Variants in AHI1 observed in about 807,000 individuals in gnomAD.
The protein encoded by AHI1 is Abelson helper integration site 1.
A neutral mutation model predicts 149.3 loss-of-function variants in AHI1; 123 were observed. The observed-to-expected ratio is 0.82, with a 90% CI of 0.71 to 0.96. The LOEUF is 0.96. Among genes scored for constraint, AHI1 ranks in the 40% least tolerant of loss-of-function variants. The probability of loss-of-function intolerance (pLI) is 0.00; values close to 1 mark genes in which losing one functional copy is unlikely to be tolerated. For missense variants in AHI1, 1,439 were observed against 1,422.7 expected (o/e 1.01, Z -0.18); for synonymous variants, 475 against 459.8 (o/e 1.03, Z -0.42).
At chr6:135,364,289 C>T (rs1199724711) in intron 23 of AHI1, among the ~76,000 whole-genome samples, 4 of 145,804 alleles carry the variant, frequency 2.7e-5, no homozygotes, top group East Asian at 4.2e-4. Context: ...ACATCTCAGA[C>T]GATGGGCGGC....
chr6:135,484,501 A>T (rs1475942932), intron 5 of AHI1, among the ~76,000 whole-genome samples: 1 of 151,834 alleles, frequency 6.6e-6, no homozygotes. Context: ...CCTTTTGCTC[A>T]CTTAGCTGTT....
In AHI1 at chr6:135,436,295, G is replaced by GAAGAA. The variant is rs566973111; in HGVS notation, c.2036+2079_2036+2080insTTCTT. Among the ~76,000 whole-genome samples the GAAGAA allele has an allele frequency of 1.2e-3, 181 of 152,242 alleles. 1 individual carries two copies. The highest frequency in any genetic ancestry group is 4.2e-3 in the African/African-American group (174 of 41,556). ...TGGTCAGAGTAATAAAAAGAGAAGA[G>GAAGAA]AAGAGGTTGTCAATGAAAACTATGA... On this transcript the variant is annotated intron_variant, in intron 15 of 28. Transcript: ENST00000265602.
chr6:135,469,069 T>G (rs1791275267), intron 5 of AHI1, among the ~76,000 whole-genome samples: 1 of 152,144 alleles, frequency 6.6e-6, no homozygotes, highest in Non-Finnish European at 1.5e-5. Flanking sequence ...AAAAAACAGT[T>G]AAGGCCAATA....
chr6:135,435,716 T>A (rs1370737387), intron 15 of AHI1, among the ~76,000 whole-genome samples: 3 of 152,274 alleles, frequency 2.0e-5, no homozygotes, highest in East Asian at 3.9e-4. Context: ...TATGGAAAGA[T>A]AATTTTAGCA....
intron 17 of AHI1, among the ~76,000 whole-genome samples, chr6:135,430,295 C>T (rs1255676076): frequency 6.6e-6 from 1 of 151,904 alleles, no homozygotes; most frequent in Non-Finnish European, 1.5e-5. Context: ...TTCCAACAAA[C>T]ACATCTTGTA....
In AHI1 at chr6:135,453,375, C is replaced by T; in HGVS notation, c.1406G>A (p.Cys469Tyr). 1 of 1,562,506 alleles carries T rather than the reference C, an allele frequency of 6.4e-7. No homozygotes were observed. The highest frequency in any genetic ancestry group is 8.7e-7 in the Non-Finnish European group (1 of 1,152,050). The part of the protein sequence containing the change: ...KNNSEVQNQE[C>Y]GFRKIAWAFL... ...TGCCCAGGCAATTTTCCGAAAGCCA[C>T]ATTCTTGGTTTTGAACCTCAGAATT... Residue 469 changes from cysteine (C) to tyrosine (Y), a missense_variant, in exon 11 of 29, where the codon TGT becomes TAT. Coordinates refer to ENST00000265602, the MANE Select transcript of AHI1 (RefSeq NM_001134831.2).
In AHI1 at chr6:135,387,189, C is replaced by T. The variant is rs1357182676; in HGVS notation, c.3109+7587G>A. ...TGAGACACAGCACCTTGTTGAAAAGCATTTTCTTAAGAGAGGAAAAACTAC... is the reference window on the plus strand; with the variant it reads ...TGAGACACAGCACCTTGTTGAAAAGTATTTTCTTAAGAGAGGAAAAACTAC... On this transcript the variant is annotated intron_variant, in intron 23 of 28. Coordinates refer to ENST00000265602, the MANE Select transcript of AHI1 (RefSeq NM_001134831.2). Among the ~76,000 whole-genome samples the T allele has an allele frequency of 5.3e-5, 8 of 152,128 alleles. No individual in the cohort carries two copies. In the East Asian group the frequency reaches 1.5e-3, roughly 29 times the overall value.
intron 21 of AHI1, among the ~76,000 whole-genome samples, chr6:135,406,940 T>C (rs924332380): frequency 2.6e-5 from 4 of 152,330 alleles, no homozygotes; most frequent in African/African-American, 9.6e-5. Context: ...TTTCTGGATC[T>C]GAAAACTTAG....
chr6:135,362,363 T>C (rs1393481010), intron 23 of AHI1, among the ~76,000 whole-genome samples: 2 of 152,194 alleles, frequency 1.3e-5, no homozygotes, highest in Non-Finnish European at 2.9e-5. Context: ...GCAAAAGTAA[T>C]TGCAGATTTT....
rs372112184 is a variant in AHI1 at position 135,490,706 on chromosome 6, C to G, written c.52G>C (p.Glu18Gln). The G allele has an allele frequency of 1.4e-5, 23 of 1,613,014 alleles. No homozygotes were observed. Among genetic ancestry groups the G allele is most frequent in the Non-Finnish European group, 1.9e-5 (23 of 1,179,556 alleles). ...AKVKTKVRFE[E>Q]LLKTHSDLMR... Reference sequence around the variant, plus strand: ...AGATCACTGTGGGTCTTAAGCAATTCTTCAAAGCGAACTTTGGTTTTTACT... The same window carrying G: ...AGATCACTGTGGGTCTTAAGCAATTGTTCAAAGCGAACTTTGGTTTTTACT... Residue 18 changes from glutamate to glutamine, a missense_variant, in exon 5 of 29, where the codon GAA becomes CAA. By Grantham distance (29) the Glu-to-Gln change is conservative. Coordinates refer to ENST00000265602, the MANE Select transcript of AHI1 (RefSeq NM_001134831.2).
At chr6:135,478,779 C>T (rs1203573760) in intron 5 of AHI1, among the ~76,000 whole-genome samples, 2 of 152,246 alleles carry the variant, frequency 1.3e-5, no homozygotes, top group African/African-American at 2.4e-5. Flanking sequence ...GAGACCTCCA[C>T]AGCAGCCCTT....
intron 4 of AHI1, among the ~76,000 whole-genome samples, chr6:135,491,933 G>A (rs1795308963): frequency 6.6e-6 from 1 of 152,142 alleles, no homozygotes; most frequent in African/African-American, 2.4e-5. Flanking sequence ...GCTTGTGGTG[G>A]AGTAAAACAT....
intron 19 of AHI1, 32 bp downstream of exon 19, chr6:135,428,597 C>T: frequency 1.3e-6 from 2 of 1,584,632 alleles, no homozygotes; most frequent in South Asian, 1.2e-5. Context: ...TGTACCTCCC[C>T]AAATGATTTT....
intron 22 of AHI1, among the ~76,000 whole-genome samples, chr6:135,397,505 A>G (rs1172293526): frequency 6.6e-6 from 1 of 152,050 alleles, no homozygotes; most frequent in Non-Finnish European, 1.5e-5. Context: ...AAATTTAATG[A>G]AATTCATAAT....
chr6:135,454,397 T>C lies in AHI1; in HGVS notation c.1345-961A>G, dbSNP rs113791266. Among the ~76,000 whole-genome samples, 436 of 152,288 alleles carry C rather than the reference T, an allele frequency of 2.9e-3. 7 individuals are homozygous for C. Among genetic ancestry groups the C allele is most frequent in the Middle Eastern group, 0.014 (4 of 292 alleles). Reference sequence around the variant, plus strand: ...GCCTACTATTCTGTCACAAATACCATAAATTTAACAAAAATTATAACTTAT... The same window carrying C: ...GCCTACTATTCTGTCACAAATACCACAAATTTAACAAAAATTATAACTTAT... On this transcript the variant is annotated intron_variant, in intron 10 of 28. Coordinates refer to ENST00000265602, the MANE Select transcript of AHI1 (RefSeq NM_001134831.2).
At chr6:135,330,488 ACT>A (rs1412323118) in intron 24 of AHI1, among the ~76,000 whole-genome samples, 2 of 152,208 alleles carry the variant, frequency 1.3e-5, no homozygotes, top group East Asian at 3.8e-4. Flanking sequence ...GCTACTACAT[ACT>A]TAATAGACTA....
In AHI1 at chr6:135,465,964, A is replaced by G. The variant is rs1024535791; in HGVS notation, c.599T>C (p.Met200Thr). The G allele has an allele frequency of 6.2e-7, 1 of 1,612,734 alleles. No individual in the cohort carries two copies. The highest frequency in any genetic ancestry group is 8.5e-7 in the Non-Finnish European group (1 of 1,179,634). Reference protein sequence around the residue: ...QAYQCHVTEEMAKEIKRKIRK... With the variant: ...QAYQCHVTEETAKEIKRKIRK... ...TATTTTCCTCTTAATCTCCTTTGCC[A>G]TTTCTTCAGTTACATGGCACTGATA... Residue 200 changes from methionine to threonine, a missense_variant, in exon 7 of 29, where the codon ATG (methionine) becomes ACG (threonine). By Grantham distance (81) the Met-to-Thr change is moderately conservative (BLOSUM62 -1). Transcript: ENST00000265602.
chr6:135,429,189 T>G (rs1026924674), intron 18 of AHI1, among the ~76,000 whole-genome samples: 12 of 151,842 alleles, frequency 7.9e-5, no homozygotes, highest in African/African-American at 2.9e-4. Flanking sequence ...CAAGGAATAT[T>G]TGATCTCTGA....
At chr6:135,292,322 T>G (rs1398389240) in intron 27 of AHI1, among the ~76,000 whole-genome samples, 1 of 152,192 alleles carries the variant, frequency 6.6e-6, no homozygotes, top group Admixed American at 6.5e-5. Context: ...AAGCCCACTC[T>G]AGGAAGATCA....
Sources: allele counts gnomAD v4.1 joint callset (sites outside exome capture counted in the v4.1 genomes callset), GRCh38; gene constraint gnomAD v4.1.1; transcripts MANE v1.5; gene names NCBI Gene and HGNC (gene_info 2026-07-23, HGNC 2026-07-21).